EAF2: variants seen among roughly 807,000 people sequenced by gnomAD.
EAF2 encodes ELL associated factor 2, also known as ELL-associated factor 2.
EAF2 carries 29 observed loss-of-function variants against 29.4 expected under a neutral mutation model. The observed-to-expected ratio is 0.99, with a 90% confidence interval of 0.73 to 1.35. The LOEUF (loss-of-function observed/expected upper bound fraction) is 1.35, where lower values mean the gene tolerates loss of function less well. Ranked by LOEUF, EAF2 falls within the 40% of genes most tolerant of loss-of-function variation. The pLI, the probability that EAF2 is intolerant of heterozygous loss-of-function variation, is 0.00. For synonymous variants in EAF2, 103 were observed against 102.5 expected (o/e 1.00, Z -0.03); for missense variants, 292 against 312.0 (o/e 0.94, Z 0.48).
chr3:121,853,632 A>T (rs1256276813), intron 2 of EAF2, among the ~76,000 whole-genome samples: 1 of 151,948 alleles, frequency 6.6e-6, no homozygotes, highest in Non-Finnish European at 1.5e-5. Context: ...TGTTGGAAAA[A>T]CCGTACTATC....
At chr3:121,873,715 T>C (rs992855390) in intron 5 of EAF2, among the ~76,000 whole-genome samples, 1 of 151,854 alleles carries the variant, frequency 6.6e-6, no homozygotes, top group Non-Finnish European at 1.5e-5. Context: ...ATGTGCTTTC[T>C]TTTTGCCACT....
At chr3:121,852,539 A>G (rs1482476865) in intron 2 of EAF2, among the ~76,000 whole-genome samples, 1 of 152,134 alleles carries the variant, frequency 6.6e-6, no homozygotes, top group Admixed American at 6.6e-5. Context: ...TCTTTGGGAG[A>G]GGTAAAAAAC....
chr3:121,849,655 C>CT (rs924224661), intron 2 of EAF2, among the ~76,000 whole-genome samples: 1 of 152,014 alleles, frequency 6.6e-6, no homozygotes, highest in Non-Finnish European at 1.5e-5. Flanking sequence ...TATGAGGCTC[C>CT]TATATGTATG....
chr3:121,845,083 G>A (rs1708500846), intron 2 of EAF2, among the ~76,000 whole-genome samples: 1 of 152,182 alleles, frequency 6.6e-6, no homozygotes, highest in Non-Finnish European at 1.5e-5. Flanking sequence ...TATGTGAAAA[G>A]CTCTGATGCC....
intron 1 of EAF2, among the ~76,000 whole-genome samples, chr3:121,844,198 A>T (rs941390622): frequency 1.3e-5 from 2 of 152,122 alleles, no homozygotes; most frequent in Non-Finnish European, 2.9e-5. Flanking sequence ...CATCTTGTCT[A>T]AACAGGATTC....
chr3:121,846,625 A>G (rs911912048), intron 2 of EAF2, among the ~76,000 whole-genome samples: 2 of 152,158 alleles, frequency 1.3e-5, no homozygotes, highest in African/African-American at 4.8e-5. Flanking sequence ...CAAACAAACA[A>G]CAACAACAAC....
intron 1 of EAF2, chr3:121,836,676 C>CTCTG (rs1446406882): frequency 1.2e-5 from 12 of 987,678 alleles, no homozygotes; most frequent in African/African-American, 1.7e-5. Flanking sequence ...GCTGTGCTGG[C>CTCTG]TCTGCAGTTT....
At chr3:121,882,911 A>AC (rs1279673633) in intron 5 of EAF2, among the ~76,000 whole-genome samples, 1 of 151,870 alleles carries the variant, frequency 6.6e-6, no homozygotes, top group Non-Finnish European at 1.5e-5. Flanking sequence ...GCTTTATGAG[A>AC]CCCAACACCC....
chr3:121,843,493 G>A (rs755596759), intron 1 of EAF2, among the ~76,000 whole-genome samples: 1 of 152,004 alleles, frequency 6.6e-6, no homozygotes, highest in Non-Finnish European at 1.5e-5. Flanking sequence ...TGATTTGGTT[G>A]GTGGTTACAT....
Position 121,886,383 on chromosome 3 carries a change from G to T in EAF2, c.778G>T (p.Asp260Tyr). 2.0e-6 allele frequency: 3 copies of T among 1,465,188 alleles called. No homozygotes were observed. In the South Asian group the frequency reaches 4.7e-5, roughly 23 times the overall value. 90.8% of individuals were successfully genotyped at this position (1,465,188 alleles called of 1,614,324 possible). ...GAGTGAATCAGGAAGTGACAGTGAT[G>T]ACTGAAGAAATATTTAGCTATAAAT... is the stretch of plus-strand genomic sequence containing the variant. Reference protein sequence around the residue: ...QLSESGSDSDD With the variant: ...QLSESGSDSDY Residue 260 changes from aspartate (D) to tyrosine (Y), a missense_variant, in exon 6 of 6, where the codon GAC (aspartate) becomes TAC (tyrosine). Asp to Tyr is a radical substitution (Grantham distance 160). Coordinates refer to ENST00000273668, the MANE Select transcript of EAF2 (RefSeq NM_018456.6).
intron 2 of EAF2, among the ~76,000 whole-genome samples, chr3:121,847,105 T>A (rs1559818747): frequency 1.3e-5 from 2 of 152,238 alleles, no homozygotes; most frequent in African/African-American, 2.4e-5. Context: ...ATGGACATTC[T>A]GTGTGATAAG....
intron 5 of EAF2, among the ~76,000 whole-genome samples, chr3:121,880,656 T>G (rs1465298330): frequency 6.6e-6 from 1 of 152,140 alleles, no homozygotes; most frequent in South Asian, 2.1e-4. Context: ...TTTATAAGAT[T>G]TTGTCATTTG....
chr3:121,847,777 G>A (rs1166368675), intron 2 of EAF2, among the ~76,000 whole-genome samples: 2 of 152,110 alleles, frequency 1.3e-5, no homozygotes, highest in African/African-American at 2.4e-5. Flanking sequence ...CTCAAAGTAT[G>A]TTAAAAATAG....
At chr3:121,886,223 C>A in intron 5 of EAF2, 119 bp from the exon 6 acceptor site, 1 of 488,448 alleles carries the variant, frequency 2.0e-6, no homozygotes, top group Non-Finnish European at 3.4e-6. Flanking sequence ...ACAGAATAAG[C>A]AAAATACTAG....
chr3:121,862,193 A>C (rs1407058943), intron 4 of EAF2, among the ~76,000 whole-genome samples: 13 of 152,034 alleles, frequency 8.6e-5, no homozygotes, highest in Admixed American at 6.6e-4. Flanking sequence ...TATTCTCTGT[A>C]TTTCCTGAAT....
intron 4 of EAF2, among the ~76,000 whole-genome samples, chr3:121,868,604 AAAT>A (rs1708963177): frequency 6.6e-6 from 1 of 152,166 alleles, no homozygotes; most frequent in Non-Finnish European, 1.5e-5. Flanking sequence ...TCTCAAAAAT[AAAT>A]AAATAAATAA....
At chr3:121,857,218 G>A (rs1377613558) in intron 4 of EAF2, 62 bp downstream of exon 4, 6 of 1,460,880 alleles carry the variant, frequency 4.1e-6, no homozygotes, top group Non-Finnish European at 5.6e-6. Context: ...TTAAGGCCAG[G>A]CATGGTGGCT....
intron 1 of EAF2, among the ~76,000 whole-genome samples, chr3:121,837,179 T>C (rs1413359018): frequency 1.3e-5 from 2 of 152,236 alleles, no homozygotes; most frequent in Admixed American, 6.5e-5. Flanking sequence ...CTTTTATTGT[T>C]GTTGTTGAAG....
chr3:121,881,264 C>T (rs4676761), intron 5 of EAF2, among the ~76,000 whole-genome samples: 137,033 of 152,210 alleles, frequency 0.9, 61,729 homozygotes, highest in Admixed American at 0.93. Flanking sequence ...TTCAGTTTTC[C>T]GGAAGAATTT....
Sources: gnomAD v4.1 joint callset for allele counts (sites outside exome capture counted in the v4.1 genomes callset) on GRCh38, gnomAD v4.1.1 for gene constraint, MANE v1.5 for transcripts, NCBI Gene and HGNC (gene_info 2026-07-23, HGNC 2026-07-21) for gene names.